Variants in OR52N4 observed in about 807,000 individuals in gnomAD.
The protein encoded by OR52N4 is olfactory receptor 52N4.
In OR52N4, 15 loss-of-function variants were observed where a neutral mutation model predicts 15.0. The ratio of observed to expected loss-of-function variants is 1.00; its 90% CI spans 0.67 to 1.54. OR52N4 has a LOEUF of 1.54. Among genes scored for constraint, OR52N4 ranks in the 40% most tolerant of loss-of-function variants. The probability of loss-of-function intolerance (pLI) is 0.00; values close to 1 mark genes in which losing one functional copy is unlikely to be tolerated. For missense variants in OR52N4, 421 were observed against 394.0 expected (o/e 1.07, Z -0.58); for synonymous variants, 143 against 143.7 (o/e 1.00, Z 0.03).
upstream of OR52N4, among the ~76,000 whole-genome samples, chr11:5,754,075 C>T (rs1854245584): frequency 6.7e-6 from 1 of 148,470 alleles, no homozygotes; most frequent in African/African-American, 2.5e-5. Context: ...GTGTTACAGA[C>T]AACCCAATTA....
chr11:5,737,564 G>GC, the OR52N4 span: 1 of 1,371,142 alleles, frequency 7.3e-7, no homozygotes, highest in South Asian at 1.4e-5. Context: ...GAGGATAAAT[G>GC]AGTAAGTGAA....
At chr11:5,743,690 T>C in the OR52N4 span, among the ~76,000 whole-genome samples, 1 of 152,114 alleles carries the variant, frequency 6.6e-6, no homozygotes, top group Non-Finnish European at 1.5e-5. Context: ...ACACATGAAA[T>C]AGAGACACAA....
At chr11:5,733,194 T>C in the OR52N4 span, among the ~76,000 whole-genome samples, 1 of 152,184 alleles carries the variant, frequency 6.6e-6, no homozygotes, top group Non-Finnish European at 1.5e-5. Flanking sequence ...CATATTGCTT[T>C]AGCATAAATT....
chr11:5,755,241 C>G lies in OR52N4; in HGVS notation c.501C>G (p.Leu167=), dbSNP rs747873371. The change falls in exon 2 of 2, where the codon CTC becomes CTG. Residue 167 remains leucine (L), a synonymous_variant. Transcript: ENST00000641350. ...TTCCCTTTACTTTCCTCACCAAGCT[C>G]CTGCCCTACTGCAGAGGCAATATAC... is the stretch of plus-strand genomic sequence containing the variant. ...LIIPFTFLTK[L]LPYCRGNILP... is the part of the protein sequence containing the mutation. 3.7e-6 allele frequency: 6 copies of G among 1,613,954 alleles called. No individual in the cohort carries two copies. The South Asian group carries it at 5.5e-5, about 15-fold the overall frequency.
upstream of OR52N4, among the ~76,000 whole-genome samples, chr11:5,751,755 G>A (rs1234240275): frequency 6.6e-6 from 1 of 152,058 alleles, no homozygotes; most frequent in African/African-American, 2.4e-5. Context: ...TTACATCGGT[G>A]ATTTCACTGA....
chr11:5,754,679 T>C lies in OR52N4; in HGVS notation c.-48-14T>C. 1 of 1,485,204 alleles carries C rather than the reference T, an allele frequency of 6.7e-7. No individual in the cohort carries two copies. The highest frequency in any genetic ancestry group is 1.4e-5 in the African/African-American group (1 of 70,978). 92.0% of individuals were successfully genotyped at this position (1,485,204 alleles called of 1,614,324 possible). A position where few individuals can be genotyped will look rare whatever the true frequency, so the allele number is the denominator to read the frequency against. On this transcript the variant is annotated splice_polypyrimidine_tract_variant and intron_variant, in intron 1 of 1. Transcript: ENST00000641350. ...ATAACCTATATTTTCTCTTGTTTTTTTTTTTAACTCTAGGAAAGCCCAGAC... is the reference window on the plus strand; with the variant it reads ...ATAACCTATATTTTCTCTTGTTTTTCTTTTTAACTCTAGGAAAGCCCAGAC...
At chr11:5,742,548 G>A in the OR52N4 span, among the ~76,000 whole-genome samples, 1 of 152,304 alleles carries the variant, frequency 6.6e-6, no homozygotes, top group East Asian at 1.9e-4. Flanking sequence ...TTACAAGCCA[G>A]AAGGGACTGG....
At chr11:5,739,887 T>C in the OR52N4 span, among the ~76,000 whole-genome samples, 4 of 128,378 alleles carry the variant, frequency 3.1e-5, 1 homozygote, top group East Asian at 5.4e-4. Context: ...ACTCCTTTAA[T>C]GGTCAACTTT....
the OR52N4 span, among the ~76,000 whole-genome samples, chr11:5,743,440 T>C: frequency 6.6e-5 from 10 of 152,328 alleles, no homozygotes; most frequent in Admixed American, 1.3e-4. Flanking sequence ...CATACATTTC[T>C]GTATATTTCT....
the OR52N4 span, chr11:5,737,687 T>C: frequency 4.2e-6 from 2 of 473,594 alleles, no homozygotes; most frequent in Non-Finnish European, 7.2e-6. Flanking sequence ...TATTTAAATA[T>C]ATTTGAGAAT....
chr11:5,737,288 C>T, the OR52N4 span: 36 of 1,614,012 alleles, frequency 2.2e-5, no homozygotes, highest in Non-Finnish European at 3.0e-5. Context: ...CACCCTCATC[C>T]TTTTCTTTTA....
chr11:5,742,379 G>GA, the OR52N4 span, among the ~76,000 whole-genome samples: 3 of 151,936 alleles, frequency 2.0e-5, no homozygotes, highest in Admixed American at 2.0e-4. Context: ...GAGAACACCT[G>GA]AAAAATACTT....
At chr11:5,748,264 C>T in the OR52N4 span, among the ~76,000 whole-genome samples, 3 of 151,676 alleles carry the variant, frequency 2.0e-5, no homozygotes, top group Non-Finnish European at 2.9e-5. Context: ...AAATCTATAC[C>T]ATAACTTCAA....
chr11:5,734,921 T>C, the OR52N4 span, among the ~76,000 whole-genome samples: 5 of 152,182 alleles, frequency 3.3e-5, no homozygotes. Context: ...CATTCACCAT[T>C]AAAGAAGGAT....
At chr11:5,733,927 C>A in the OR52N4 span, among the ~76,000 whole-genome samples, 2 of 152,096 alleles carry the variant, frequency 1.3e-5, no homozygotes, top group Non-Finnish European at 2.9e-5. Context: ...TCTTAGGTTA[C>A]ATTAATAGGA....
the OR52N4 span, chr11:5,737,472 C>G: frequency 3.1e-6 from 5 of 1,611,110 alleles, no homozygotes; most frequent in Non-Finnish European, 4.2e-6. Flanking sequence ...TTTGCCCTTA[C>G]AAAAGAAATA....
chr11:5,737,177 A>C, the OR52N4 span: 2 of 1,613,976 alleles, frequency 1.2e-6, no homozygotes, highest in Non-Finnish European at 1.7e-6. Context: ...GAGTGATCTA[A>C]GTCTTATTAT....
chr11:5,754,935 G>A lies in OR52N4; in HGVS notation c.195G>A (p.Leu65=). ...TGCACAAACCCATGTACTACTTCTT[G>A]GCCATGCTTTCCTTTACTGACCTTG... The part of the protein sequence containing the change: ...DALHKPMYYF[L]AMLSFTDLVM... The change falls in exon 2 of 2, where the codon TTG becomes TTA. Residue 65 remains leucine (L), a synonymous_variant. Coordinates refer to ENST00000641350, the MANE Select transcript of OR52N4 (RefSeq NM_001005175.5). 1.2e-6 allele frequency: 2 copies of A among 1,613,672 alleles called. No individual in the cohort carries two copies. The highest frequency in any genetic ancestry group is 1.1e-5 in the South Asian group (1 of 91,066).
chr11:5,753,988 CAAAAAAAAAAAA>C (rs60504408), upstream of OR52N4, among the ~76,000 whole-genome samples: 7 of 79,668 alleles, frequency 8.8e-5, no homozygotes, highest in Non-Finnish European at 1.4e-4. Context: ...GACTCTGCCT[CAAAAAAAAAAAA>C]AAAAAAAAAA....
Sources: gnomAD v4.1 joint callset for allele counts (sites outside exome capture counted in the v4.1 genomes callset) on GRCh38, gnomAD v4.1.1 for gene constraint, MANE v1.5 for transcripts, NCBI Gene and HGNC (gene_info 2026-07-23, HGNC 2026-07-21) for gene names.